The following KIRREL3 variants were observed in gnomAD, a reference collection of about 807,000 sequenced individuals.
KIRREL3 encodes kirre like nephrin family adhesion molecule 3, also known as kin of IRRE-like protein 3.
A neutral mutation model predicts 89.7 loss-of-function variants in KIRREL3; 36 were observed. The ratio of observed to expected loss-of-function variants is 0.40; its 90% CI spans 0.31 to 0.53. KIRREL3 has a LOEUF of 0.53. KIRREL3 is among the 20% of genes least tolerant of loss of function. The pLI is 0.49. For synonymous variants in KIRREL3, 445 were observed against 441.4 expected (o/e 1.01, Z -0.10); for missense variants, 864 against 1,056.6 (o/e 0.82, Z 2.53).
At chr11:126,649,374 C>T (rs1944820751) in intron 1 of KIRREL3, among the ~76,000 whole-genome samples, 2 of 152,116 alleles carry the variant, frequency 1.3e-5, no homozygotes, top group African/African-American at 4.8e-5. Context: ...GTCCACAGTC[C>T]AAACTCTCAT....
rs181190308 is a variant in KIRREL3 at position 126,645,547 on chromosome 11, A to C, written c.56-82635T>G. Among the ~76,000 whole-genome samples the C allele has an allele frequency of 2.0e-3, 301 of 152,346 alleles. 1 individual carries two copies. The highest frequency in any genetic ancestry group is 3.0e-3 in the Non-Finnish European group (207 of 68,030). ...TAGCCGGGCATAAATCAGAATATGC[A>C]CTTGAACTGGGCTACAGTGTTCCAC... On this transcript the variant is annotated intron_variant, in intron 1 of 16. Coordinates refer to ENST00000525144, the MANE Select transcript of KIRREL3 (RefSeq NM_032531.4). The surrounding 1 kb of genome is among the most constrained non-coding windows in gnomAD (Gnocchi z 4.9).
At chr11:126,727,875 A>AG (rs1948453756) in intron 1 of KIRREL3, among the ~76,000 whole-genome samples, 1 of 152,044 alleles carries the variant, frequency 6.6e-6, no homozygotes, top group South Asian at 2.1e-4. Context: ...AGACATCTGC[A>AG]GGCAGTGGGA....
chr11:126,633,805 A>G (rs1283394952), intron 1 of KIRREL3, among the ~76,000 whole-genome samples: 2 of 152,192 alleles, frequency 1.3e-5, no homozygotes, highest in East Asian at 3.8e-4. Flanking sequence ...ATGTTTTTGT[A>G]CCAGCAAGTA....
In KIRREL3 at chr11:126,570,794, T is replaced by A. The variant is rs952478249; in HGVS notation, c.56-7882A>T. 4.6e-5 allele frequency among the ~76,000 whole-genome samples: 7 copies of A among 152,222 alleles called. No homozygotes were observed. The highest frequency in any genetic ancestry group is 7.3e-5 in the Non-Finnish European group (5 of 68,038). On this transcript the variant is annotated intron_variant, in intron 1 of 16. Transcript: ENST00000525144. This position sits in a 1 kb window ranked among gnomAD's most constrained non-coding sequence, Gnocchi z 6.1. ...TGCTATGTCTCAGATCCTGTGTGCC[T>A]GCAGGAAATCTACATGCCCATGTGG... is the stretch of plus-strand genomic sequence containing the variant.
At chr11:126,506,777 A>AT (rs35672890) in intron 4 of KIRREL3, among the ~76,000 whole-genome samples, 35,395 of 148,868 alleles carry the variant, frequency 0.24, 4,618 homozygotes, top group Admixed American at 0.33. Context: ...CATAGCAACA[A>AT]TTTTTTTTTT....
chr11:126,678,007 C>T (rs967701213), intron 1 of KIRREL3, among the ~76,000 whole-genome samples: 2 of 152,098 alleles, frequency 1.3e-5, no homozygotes, highest in African/African-American at 2.4e-5. Context: ...GAATCAGGCC[C>T]TGTTACACCC....
At chr11:126,691,257 C>T (rs1157615782) in intron 1 of KIRREL3, among the ~76,000 whole-genome samples, 5 of 152,176 alleles carry the variant, frequency 3.3e-5, no homozygotes, top group Non-Finnish European at 5.9e-5. Flanking sequence ...TCAAATGCTC[C>T]ATCATCCATC....
rs185996070 is a variant in KIRREL3, at chr11:126,636,301, G to A, written c.56-73389C>T. Among the ~76,000 whole-genome samples the A allele has an allele frequency of 1.3e-5, 2 of 152,194 alleles. No homozygotes were observed. Among genetic ancestry groups the A allele is most frequent in the African/African-American group, 4.8e-5 (2 of 41,524 alleles). Reference sequence around the variant, plus strand: ...TGAGCTAGTTGTGTTTGCTTGCTACGGAGGAAATACCCATTTCAAAGAATT... The same window carrying A: ...TGAGCTAGTTGTGTTTGCTTGCTACAGAGGAAATACCCATTTCAAAGAATT... On this transcript the variant is annotated intron_variant, in intron 1 of 16. Coordinates refer to ENST00000525144, the MANE Select transcript of KIRREL3 (RefSeq NM_032531.4). This position sits in a 1 kb window ranked among gnomAD's most constrained non-coding sequence, Gnocchi z 4.4.
In KIRREL3 at chr11:126,443,166, C is replaced by G. The variant is rs1043060602; in HGVS notation, c.1252+1813G>C. Among the ~76,000 whole-genome samples the G allele has an allele frequency of 2.0e-5, 3 of 152,220 alleles. No individual in the cohort carries two copies. The highest frequency in any genetic ancestry group is 4.4e-5 in the Non-Finnish European group (3 of 68,046). On this transcript the variant is annotated intron_variant, in intron 10 of 16. Coordinates refer to ENST00000525144, the MANE Select transcript of KIRREL3 (RefSeq NM_032531.4). This position sits in a 1 kb window ranked among gnomAD's most constrained non-coding sequence, Gnocchi z 7.3. ...CAGAAACGCCAATGCTCATTTGATGCTCCAGGCTTGGGGGCCCTGGAGTGC... is the reference window on the plus strand; with the variant it reads ...CAGAAACGCCAATGCTCATTTGATGGTCCAGGCTTGGGGGCCCTGGAGTGC...
intron 1 of KIRREL3, chr11:126,936,184 A>G (rs1948177235): frequency 6.6e-6 from 1 of 152,228 alleles, no homozygotes; most frequent in Non-Finnish European, 1.5e-5. Flanking sequence ...AATTAAAACC[A>G]CAATGAGATA....
intron 4 of KIRREL3, among the ~76,000 whole-genome samples, chr11:126,511,588 C>T (rs368175699): frequency 1.3e-5 from 2 of 152,192 alleles, no homozygotes; most frequent in Admixed American, 6.5e-5. Flanking sequence ...TATCCTGCCC[C>T]GAAACAGTGG....
At chr11:126,980,466 A>T (rs772913604) in intron 1 of KIRREL3, among the ~76,000 whole-genome samples, 17 of 152,044 alleles carry the variant, frequency 1.1e-4, no homozygotes, top group Non-Finnish European at 2.2e-4. Flanking sequence ...TGAGAAGGGG[A>T]GGAGTAAATT....
At chr11:126,889,188 C>T (rs890826351) in intron 1 of KIRREL3, among the ~76,000 whole-genome samples, 4 of 151,104 alleles carry the variant, frequency 2.6e-5, no homozygotes, top group African/African-American at 7.3e-5. Flanking sequence ...GTTTTCTCTT[C>T]CCCTTAGTGA....
chr11:126,862,226 G>A (rs533245532), intron 1 of KIRREL3, among the ~76,000 whole-genome samples: 4 of 152,332 alleles, frequency 2.6e-5, no homozygotes, highest in South Asian at 2.1e-4. Context: ...TAGGGCTGAC[G>A]CAGTTGAACC....
Position 126,909,487 on chromosome 11 carries a change from A to G in KIRREL3, c.55+90968T>C, listed in dbSNP as rs1438800070. Reference sequence around the variant, plus strand: ...CAGCACGTGCTAAGCGCCGACTCTCAGGGCATGGCTCTGAGGATGAGAGAG... The same window carrying G: ...CAGCACGTGCTAAGCGCCGACTCTCGGGGCATGGCTCTGAGGATGAGAGAG... On this transcript the variant is annotated intron_variant, in intron 1 of 16. Coordinates refer to ENST00000525144, the MANE Select transcript of KIRREL3 (RefSeq NM_032531.4). This position sits in a 1 kb window ranked among gnomAD's most constrained non-coding sequence, Gnocchi z 4.5. Among the ~76,000 whole-genome samples, 1 of 152,202 alleles carries G rather than the reference A, an allele frequency of 6.6e-6. No homozygotes were observed. Among genetic ancestry groups the G allele is most frequent in the Non-Finnish European group, 1.5e-5 (1 of 68,034 alleles).
Position 126,535,463 on chromosome 11 carries a change from C to T in KIRREL3, c.134-8776G>A, listed in dbSNP as rs1279370857. Among the ~76,000 whole-genome samples the T allele has an allele frequency of 6.6e-6, 1 of 152,122 alleles. No homozygotes were observed. Among genetic ancestry groups the T allele is most frequent in the Non-Finnish European group, 1.5e-5 (1 of 68,024 alleles). ...CCCATTCTGAGGTTGCCCCTCAATC[C>T]CTAATTATTTCCTGAGGGGGAAGAG... On this transcript the variant is annotated intron_variant, in intron 2 of 16. Coordinates refer to ENST00000525144, the MANE Select transcript of KIRREL3 (RefSeq NM_032531.4). This position sits in a 1 kb window ranked among gnomAD's most constrained non-coding sequence, Gnocchi z 4.5.
chr11:126,428,521 A>T lies in KIRREL3; in HGVS notation c.1806+658T>A, dbSNP rs533360036. On this transcript the variant is annotated intron_variant, in intron 15 of 16. Coordinates refer to ENST00000525144, the MANE Select transcript of KIRREL3 (RefSeq NM_032531.4). The surrounding 1 kb of genome is among the most constrained non-coding windows in gnomAD (Gnocchi z 6.4). ...GGGACATGTATTGAATATCTATAAT[A>T]GCTATGTGTGTGTGTGCGGGGGAGG... is the stretch of plus-strand genomic sequence containing the variant. 6.6e-6 allele frequency among the ~76,000 whole-genome samples: 1 copy of T among 152,024 alleles called. No homozygotes were observed. The highest frequency in any genetic ancestry group is 2.4e-5 in the African/African-American group (1 of 41,432).
chr11:126,454,211 C>T lies in KIRREL3; in HGVS notation c.848+2138G>A, dbSNP rs1956268788. On this transcript the variant is annotated intron_variant, in intron 7 of 16. Transcript: ENST00000525144. This position sits in a 1 kb window ranked among gnomAD's most constrained non-coding sequence, Gnocchi z 5.8. ...GTTCTGCTTTTTTGAGGTTGGTGAC[C>T]CTGGGAATCAGGCCCAGCACTTCGT... Among the ~76,000 whole-genome samples the T allele has an allele frequency of 6.6e-6, 1 of 151,992 alleles. No homozygotes were observed. The highest frequency in any genetic ancestry group is 6.6e-5 in the Admixed American group (1 of 15,262).
Position 126,476,637 on chromosome 11 carries a change from C to T in KIRREL3, c.434-3171G>A, listed in dbSNP as rs1957074175. On this transcript the variant is annotated intron_variant, in intron 4 of 16. Transcript: ENST00000525144. This position sits in a 1 kb window ranked among gnomAD's most constrained non-coding sequence, Gnocchi z 6.4. Reference sequence around the variant, plus strand: ...AGGCATTATTGATTGGTCTTCGCTTCACTGCACACCAGATGGGGGTGGGGG... The same window carrying T: ...AGGCATTATTGATTGGTCTTCGCTTTACTGCACACCAGATGGGGGTGGGGG... Among the ~76,000 whole-genome samples, 1 of 139,326 alleles carries T rather than the reference C, an allele frequency of 7.2e-6. No homozygotes were observed. Among genetic ancestry groups the T allele is most frequent in the South Asian group, 2.3e-4 (1 of 4,402 alleles). The allele number at this position is 139,326 out of a possible 152,430, so 91.4% of individuals were successfully genotyped here.
Sources: gnomAD v4.1 joint callset for allele counts (sites outside exome capture counted in the v4.1 genomes callset) on GRCh38, gnomAD v4.1.1 for gene constraint, Gnocchi (gnomAD v3.1) non-coding constraint, MANE v1.5 for transcripts, NCBI Gene and HGNC (gene_info 2026-07-23, HGNC 2026-07-21) for gene names.